KCNT2: variants seen among roughly 807,000 people sequenced by gnomAD.
The protein encoded by KCNT2 is potassium channel subfamily T member 2.
In KCNT2, 67 loss-of-function variants were observed where a neutral mutation model predicts 153.8. The ratio of observed to expected loss-of-function variants is 0.44; its 90% CI spans 0.36 to 0.53. The LOEUF (loss-of-function observed/expected upper bound fraction) is 0.53. Ranked by LOEUF, KCNT2 falls within the 20% of genes least tolerant of loss-of-function variation. The pLI, the probability that KCNT2 is intolerant of heterozygous loss-of-function variation, is 0.00. For synonymous variants in KCNT2, 500 were observed against 458.8 expected (o/e 1.09, Z -1.15); for missense variants, 975 against 1,354.8 (o/e 0.72, Z 4.40).
chr1:196,508,150 A>G (rs78655992), intron 1 of KCNT2, among the ~76,000 whole-genome samples: 7,907 of 147,810 alleles, frequency 0.053, 347 homozygotes, highest in Non-Finnish European at 0.083. Flanking sequence ...AAGAAGCAGC[A>G]TTAAATAAAT....
chr1:196,456,650 G>A lies in KCNT2; in HGVS notation c.638+8643C>T, dbSNP rs923132022. On this transcript the variant is annotated intron_variant, in intron 8 of 27. Coordinates refer to ENST00000294725, the MANE Select transcript of KCNT2 (RefSeq NM_198503.5). ...GTAAAGTAATAGATGCAATTAAATT[G>A]TGCATTATCTGAAGTCCATTTTGAC... is the stretch of plus-strand genomic sequence containing the variant. Among the ~76,000 whole-genome samples, 24 of 151,878 alleles carry A rather than the reference G, an allele frequency of 1.6e-4. 1 individual carries two copies. Among genetic ancestry groups the A allele is most frequent in the Admixed American group, 1.4e-3 (22 of 15,214 alleles).
At chr1:196,370,643 A>G (rs147811894) in intron 14 of KCNT2, among the ~76,000 whole-genome samples, 4 of 152,248 alleles carry the variant, frequency 2.6e-5, no homozygotes, top group African/African-American at 7.2e-5. Context: ...TTGGAAAAAT[A>G]TTCTGACAGT....
At chr1:196,241,601 T>C (rs1459127315) in intron 26 of KCNT2, among the ~76,000 whole-genome samples, 1 of 152,080 alleles carries the variant, frequency 6.6e-6, no homozygotes, top group Admixed American at 6.6e-5. Flanking sequence ...ATAGGCAAGA[T>C]AAAATTATTA....
intron 1 of KCNT2, among the ~76,000 whole-genome samples, chr1:196,516,999 G>A (rs144852154): frequency 6.6e-6 from 1 of 152,264 alleles, no homozygotes; most frequent in Non-Finnish European, 1.5e-5. Context: ...TGGGACTATG[G>A]AGCCAGTAGC....
At chr1:196,384,296 A>G (rs191508443) in intron 13 of KCNT2, among the ~76,000 whole-genome samples, 73 of 152,314 alleles carry the variant, frequency 4.8e-4, no homozygotes, top group Admixed American at 3.9e-3. Context: ...AATAAATAAT[A>G]CATAGAAATG....
chr1:196,454,768 A>G (rs1316225019), intron 8 of KCNT2, among the ~76,000 whole-genome samples: 5 of 151,970 alleles, frequency 3.3e-5, no homozygotes, highest in Non-Finnish European at 7.4e-5. Flanking sequence ...ATTTACCACA[A>G]ATAGCATTTA....
chr1:196,433,434 A>C (rs2148556252), intron 8 of KCNT2, among the ~76,000 whole-genome samples: 1 of 152,234 alleles, frequency 6.6e-6, no homozygotes, highest in East Asian at 1.9e-4. Flanking sequence ...AAGAGCCAGC[A>C]AATTAGTGGT....
chr1:196,395,294 A>G (rs1438649381), intron 13 of KCNT2, among the ~76,000 whole-genome samples: 2 of 151,608 alleles, frequency 1.3e-5, no homozygotes, highest in African/African-American at 2.4e-5. Context: ...GGGAAGATAT[A>G]TTTTCTATTC....
chr1:196,429,356 T>C (rs1673936676), intron 9 of KCNT2, among the ~76,000 whole-genome samples: 1 of 152,024 alleles, frequency 6.6e-6, no homozygotes, highest in Non-Finnish European at 1.5e-5. Context: ...AGATGAGTGC[T>C]GTCAGTCATG....
At chr1:196,466,790 G>A (rs778490570) in intron 7 of KCNT2, among the ~76,000 whole-genome samples, 5 of 151,916 alleles carry the variant, frequency 3.3e-5, no homozygotes, top group Admixed American at 1.3e-4. Flanking sequence ...AACATTTGTG[G>A]TATGAATGAC....
intron 12 of KCNT2, among the ~76,000 whole-genome samples, chr1:196,409,567 G>T (rs1672115283): frequency 6.6e-6 from 1 of 150,872 alleles, no homozygotes; most frequent in East Asian, 2.0e-4. Context: ...ATCATTTCTG[G>T]CTTTCTGAAT....
At chr1:196,516,308 G>C (rs1158101934) in intron 1 of KCNT2, among the ~76,000 whole-genome samples, 2 of 152,002 alleles carry the variant, frequency 1.3e-5, no homozygotes, top group Non-Finnish European at 2.9e-5. Context: ...GGAATCAGGG[G>C]CAATTAGGGA....
At chr1:196,275,337 C>T (rs775568143) in intron 25 of KCNT2, among the ~76,000 whole-genome samples, 1 of 151,724 alleles carries the variant, frequency 6.6e-6, no homozygotes, top group Non-Finnish European at 1.5e-5. Flanking sequence ...TATGAATGGG[C>T]AGTTCCATCT....
Position 196,226,370 on chromosome 1 carries a change from A to T in KCNT2, c.*1854T>A, listed in dbSNP as rs1276149712. The stretch of plus-strand genomic sequence containing the variant: ...CATATATTAGTTCCATTCTGCCTTC[A>T]GTTTTTAACAATTTATATGTGAATG... On this transcript the variant is annotated 3_prime_UTR_variant, in exon 28 of 28. Transcript: ENST00000294725. 6.6e-6 allele frequency: 1 copy of T among 151,994 alleles called. No homozygotes were observed. Among genetic ancestry groups the T allele is most frequent in the Non-Finnish European group, 1.5e-5 (1 of 67,864 alleles). 9.4% of individuals were successfully genotyped at this position (151,994 alleles called of 1,614,324 possible).
chr1:196,578,329 T>C (rs904536802), intron 1 of KCNT2, among the ~76,000 whole-genome samples: 2 of 152,122 alleles, frequency 1.3e-5, no homozygotes, highest in African/African-American at 4.8e-5. Flanking sequence ...CCTCAGTACC[T>C]GGAAAGACAA....
intron 8 of KCNT2, among the ~76,000 whole-genome samples, chr1:196,436,472 G>A (rs1441569748): frequency 1.3e-5 from 2 of 151,458 alleles, no homozygotes; most frequent in South Asian, 4.1e-4. Context: ...TACTGGATTT[G>A]CCTTATGCAC....
At chr1:196,444,950 A>C (rs1209955208) in intron 8 of KCNT2, among the ~76,000 whole-genome samples, 1 of 151,410 alleles carries the variant, frequency 6.6e-6, no homozygotes, top group African/African-American at 2.4e-5. Context: ...AACCAGAGCA[A>C]ATAATAGATA....
At chr1:196,535,852 C>A (rs780517013) in intron 1 of KCNT2, among the ~76,000 whole-genome samples, 1 of 152,252 alleles carries the variant, frequency 6.6e-6, no homozygotes, top group African/African-American at 2.4e-5. Context: ...GGGTGATCAT[C>A]TAATGTGCCA....
chr1:196,431,663 A>C (rs898691754), intron 8 of KCNT2, among the ~76,000 whole-genome samples: 3 of 152,148 alleles, frequency 2.0e-5, no homozygotes, highest in Non-Finnish European at 4.4e-5. Context: ...AATACGTAGC[A>C]GAAGAAATCT....
Sources: allele counts gnomAD v4.1 joint callset (sites outside exome capture counted in the v4.1 genomes callset), GRCh38; gene constraint gnomAD v4.1.1; transcripts MANE v1.5; gene names NCBI Gene and HGNC (gene_info 2026-07-23, HGNC 2026-07-21).